Variants in FRZB observed in about 807,000 individuals in gnomAD.
The protein encoded by FRZB is frizzled related protein.
A neutral mutation model predicts 32.5 loss-of-function variants in FRZB; 34 were observed. The ratio of observed to expected loss-of-function variants is 1.05; its 90% CI spans 0.80 to 1.39. FRZB has a LOEUF of 1.39. Among genes scored for constraint, FRZB ranks in the 40% most tolerant of loss-of-function variants. The pLI is 0.00. For synonymous variants in FRZB, 170 were observed against 159.2 expected, an observed-to-expected ratio of 1.07 and a Z score of -0.51; for missense variants, 423 against 424.8, an observed-to-expected ratio of 1.00 and a Z score of 0.04.
At chr2:182,842,430 C>T in intron 3 of FRZB, 48 bp downstream of exon 3, 1 of 1,346,544 alleles carries the variant, frequency 7.4e-7, no homozygotes, top group Non-Finnish European at 1.1e-6. Context: ...CATCCACACA[C>T]CTCTCTTAAC....
At chr2:182,842,212 C>A (rs1041603803) in intron 3 of FRZB, among the ~76,000 whole-genome samples, 1 of 152,164 alleles carries the variant, frequency 6.6e-6, no homozygotes, top group African/African-American at 2.4e-5. Context: ...TATCTTGATA[C>A]TTATCTCTGT....
chr2:182,834,078 C>G lies in FRZB; in HGVS notation c.*771G>C, dbSNP rs1695496827. 1 of 152,124 alleles carries G rather than the reference C, an allele frequency of 6.6e-6. No homozygotes were observed. Among genetic ancestry groups the G allele is most frequent in the Admixed American group, 6.6e-5 (1 of 15,264 alleles). The allele number at this position is 152,124 out of a possible 1,614,324, so 9.4% of individuals were successfully genotyped here. On this transcript the variant is annotated 3_prime_UTR_variant, in exon 6 of 6. Transcript: ENST00000295113. ...AAACTATGGTGATAACAGCAGATGT[C>G]TAGTTATAATTCATTTCTCTAATGC... is the stretch of plus-strand genomic sequence containing the variant.
chr2:182,838,902 A>G (rs760606029), intron 3 of FRZB, among the ~76,000 whole-genome samples: 17 of 152,116 alleles, frequency 1.1e-4, no homozygotes, highest in Non-Finnish European at 1.8e-4. Context: ...CATTTAGAGA[A>G]TCAAAGATTG....
At chr2:182,846,874 A>G (rs993740626) in intron 2 of FRZB, among the ~76,000 whole-genome samples, 10 of 152,184 alleles carry the variant, frequency 6.6e-5, no homozygotes, top group African/African-American at 2.2e-4. Context: ...CCATCACACC[A>G]TGAATTTGTC....
At chr2:182,845,463 C>A (rs1165432768) in intron 2 of FRZB, among the ~76,000 whole-genome samples, 2 of 152,074 alleles carry the variant, frequency 1.3e-5, no homozygotes, top group Non-Finnish European at 2.9e-5. Flanking sequence ...ATTTACTGAG[C>A]TTTGCACAAA....
intron 2 of FRZB, among the ~76,000 whole-genome samples, chr2:182,851,722 A>G (rs1292669195): frequency 6.6e-6 from 1 of 152,208 alleles, no homozygotes; most frequent in Non-Finnish European, 1.5e-5. Context: ...TTATTTTTGA[A>G]GTACTCAAAG....
intron 1 of FRZB, among the ~76,000 whole-genome samples, chr2:182,862,777 T>A (rs77457127): frequency 2.6e-5 from 1 of 37,908 alleles, no homozygotes; most frequent in Admixed American, 2.9e-4. Context: ...TCTTTTCTTT[T>A]TTTTTTTTTG....
At chr2:182,841,749 A>G (rs1423542936) in intron 3 of FRZB, among the ~76,000 whole-genome samples, 3 of 152,144 alleles carry the variant, frequency 2.0e-5, no homozygotes, top group Non-Finnish European at 4.4e-5. Flanking sequence ...AGAAGGGACT[A>G]CTTAGGTTCG....
chr2:182,865,860 G>C (rs1245831065), intron 1 of FRZB, among the ~76,000 whole-genome samples: 2 of 152,220 alleles, frequency 1.3e-5, no homozygotes, highest in Non-Finnish European at 2.9e-5. Context: ...CAGTGCCAGA[G>C]TGCATCAGTT....
At chr2:182,850,836 C>T (rs891833848) in intron 2 of FRZB, among the ~76,000 whole-genome samples, 36 of 152,106 alleles carry the variant, frequency 2.4e-4, no homozygotes, top group Admixed American at 2.0e-3. Flanking sequence ...ATTTACATTC[C>T]CACCAACAGT....
Position 182,851,680 on chromosome 2 carries a change from C to A in FRZB, c.526+7106G>T, listed in dbSNP as rs369487408. ...CAAAAAAACAAAACAAAACAAAAAA[C>A]AAAAAAAAAACAACTTCAGTAATTA... is the stretch of plus-strand genomic sequence containing the variant. On this transcript the variant is annotated intron_variant, in intron 2 of 5. Coordinates refer to ENST00000295113, the MANE Select transcript of FRZB (RefSeq NM_001463.4). Among the ~76,000 whole-genome samples, 471 of 143,260 alleles carry A rather than the reference C, an allele frequency of 3.3e-3. 3 individuals carry two copies. The highest frequency in any genetic ancestry group is 0.011 in the African/African-American group (447 of 38,944). 94.0% of individuals were successfully genotyped at this position (143,260 alleles called of 152,430 possible). A position where few individuals can be genotyped will look rare whatever the true frequency, so the allele number is the denominator to read the frequency against.
Position 182,838,454 on chromosome 2 carries a change from T to G in FRZB, c.752A>C (p.Asn251Thr), listed in dbSNP as rs773121152. The G allele has an allele frequency of 6.2e-7, 1 of 1,612,850 alleles. No individual in the cohort carries two copies. Among genetic ancestry groups the G allele is most frequent in the Admixed American group, 1.7e-5 (1 of 59,896 alleles). Residue 251 changes from asparagine (N) to threonine (T), a missense_variant, in exon 4 of 6, where the codon AAT (asparagine) becomes ACT (threonine). By Grantham distance (65) the Asn-to-Thr change is moderately conservative. Transcript: ENST00000295113. ...ATAGCCCATGATGATATATTCCTCA[T>G]TAACATTAAGTGGAGGGCAGAGGCA... Reference protein sequence around the residue: ...SGCLCPPLNVNEEYIIMGYED... With the variant: ...SGCLCPPLNVTEEYIIMGYED...
intron 2 of FRZB, among the ~76,000 whole-genome samples, chr2:182,844,172 C>T (rs1695615103): frequency 6.6e-6 from 1 of 152,132 alleles, no homozygotes; most frequent in Non-Finnish European, 1.5e-5. Flanking sequence ...ATGAGAATTC[C>T]TCAATACCAC....
At chr2:182,840,623 C>T (rs1469052841) in intron 3 of FRZB, among the ~76,000 whole-genome samples, 1 of 151,920 alleles carries the variant, frequency 6.6e-6, no homozygotes, top group Non-Finnish European at 1.5e-5. Flanking sequence ...AGAGTTCTTC[C>T]TTCTATTTAA....
rs138459633 is a variant in FRZB at position 182,834,856 on chromosome 2, C to T, written c.971G>A (p.Arg324His). Residue 324 changes from arginine to histidine, a missense_variant, in exon 6 of 6, where the codon CGC (arginine) becomes CAC (histidine). Arg to His is a conservative substitution (Grantham distance 29, BLOSUM62 0). Coordinates refer to ENST00000295113, the MANE Select transcript of FRZB (RefSeq NM_001463.4). Reference protein sequence around the residue: ...SGRNSNPRQARN With the variant: ...SGRNSNPRQAHN Reference sequence around the variant, plus strand: ...CTTTTTGTATTTCGGGATTTAGTTGCGTGCTTGCCGGGGGTTCGAGTTCCT... The same window carrying T: ...CTTTTTGTATTTCGGGATTTAGTTGTGTGCTTGCCGGGGGTTCGAGTTCCT... 210 of 1,611,170 alleles carry T rather than the reference C, an allele frequency of 1.3e-4. 3 individuals carry two copies. The East Asian group carries it at 2.4e-3, about 19-fold the overall frequency.
chr2:182,850,740 C>G (rs1313571719), intron 2 of FRZB, among the ~76,000 whole-genome samples: 1 of 152,062 alleles, frequency 6.6e-6, no homozygotes, highest in Non-Finnish European at 1.5e-5. Flanking sequence ...GGATATATAC[C>G]CAGTAATAAA....
intron 2 of FRZB, among the ~76,000 whole-genome samples, chr2:182,842,923 C>A (rs1695601627): frequency 1.3e-5 from 2 of 152,176 alleles, no homozygotes; most frequent in Non-Finnish European, 2.9e-5. Flanking sequence ...GCTCAGGTAG[C>A]TGGTTTGCCC....
At chr2:182,855,573 G>A (rs181593102) in intron 2 of FRZB, among the ~76,000 whole-genome samples, 15 of 152,172 alleles carry the variant, frequency 9.9e-5, no homozygotes, top group South Asian at 8.3e-4. Flanking sequence ...TGAACTTGTC[G>A]CTAGGCCAAT....
In FRZB at chr2:182,833,602, T is replaced by TTCACCACAGCCCCTGGGATC. The variant is rs1695489043; in HGVS notation, c.*1227_*1246dup. 1 of 152,172 alleles carries TTCACCACAGCCCCTGGGATC rather than the reference T, an allele frequency of 6.6e-6. No individual in the cohort carries two copies. The highest frequency in any genetic ancestry group is 2.4e-5 in the African/African-American group (1 of 41,444). The allele number at this position is 152,172 out of a possible 1,614,324, so 9.4% of individuals were successfully genotyped here. A position where few individuals can be genotyped will look rare whatever the true frequency, so the allele number is the denominator to read the frequency against. On this transcript the variant is annotated 3_prime_UTR_variant, in exon 6 of 6. Coordinates refer to ENST00000295113, the MANE Select transcript of FRZB (RefSeq NM_001463.4). ...GGACCATCTATAAAAGCATCATTTG[T>TTCACCACAGCCCCTGGGATC]TCACCACAGCCCCTGGGATCTCACC...
Sources: allele counts gnomAD v4.1 joint callset (sites outside exome capture counted in the v4.1 genomes callset), GRCh38; gene constraint gnomAD v4.1.1; transcripts MANE v1.5; gene names NCBI Gene and HGNC (gene_info 2026-07-23, HGNC 2026-07-21).